The following DDX56 variants were observed in gnomAD, a reference collection of about 807,000 sequenced individuals.
The protein encoded by DDX56 is DEAD-box helicase 56, also known as probable ATP-dependent RNA helicase DDX56.
Under a neutral mutation model 61.5 loss-of-function variants are expected in DDX56, and 45 were observed. That is an observed-to-expected ratio of 0.73 (90% confidence interval 0.58 to 0.94). The LOEUF is 0.94. Among genes scored for constraint, DDX56 ranks in the 40% least tolerant of loss-of-function variants. The pLI, the probability that DDX56 is intolerant of heterozygous loss-of-function variation, is 0.00. For synonymous variants in DDX56, 273 were observed against 268.3 expected, an observed-to-expected ratio of 1.02 and a Z score of -0.17; for missense variants, 708 against 690.7, an observed-to-expected ratio of 1.02 and a Z score of -0.28.
chr7:44,569,919 G>A lies in DDX56; in HGVS notation c.1125-16C>T, dbSNP rs372977518. ...GCGTGCTGTCCTGCAAGGGAAGACA[G>A]TGCAGCTTGCATCTCCAACCCGCAG... On this transcript the variant is annotated splice_polypyrimidine_tract_variant and intron_variant, in intron 8 of 13. Coordinates refer to ENST00000258772, the MANE Select transcript of DDX56 (RefSeq NM_019082.4). 260 of 1,611,332 alleles carry A rather than the reference G, an allele frequency of 1.6e-4. 2 individuals carry two copies. In the South Asian group the frequency reaches 2.1e-3, roughly 13 times the overall value.
intron 2 of DDX56, 109 bp downstream of exon 2, chr7:44,573,474 C>T (rs1357154039): frequency 2.8e-6 from 4 of 1,405,210 alleles, no homozygotes; most frequent in African/African-American, 2.9e-5. Context: ...GTTCTCAGGC[C>T]GGCCTGCACG....
In DDX56 at chr7:44,569,154, G is replaced by C; in HGVS notation, c.1269C>G (p.Ile423Met). Residue 423 changes from isoleucine (I) to methionine (M), a missense_variant, in exon 10 of 14, where the codon ATC becomes ATG. Physicochemically the swap from Ile to Met is conservative, Grantham distance 10. Transcript: ENST00000258772. ...CCCTGCAGCGATAGCGGAAGCCCTC[G>C]ATCTCCTCCATCCGGAACTGGTAGG... ...LLPYQFRMEE[I>M]EGFRYRCRDA... The C allele has an allele frequency of 3.1e-6, 5 of 1,614,058 alleles. No homozygotes were observed. The highest frequency in any genetic ancestry group is 4.2e-6 in the Non-Finnish European group (5 of 1,180,028).
chr7:44,573,447 TG>T, intron 2 of DDX56, 135 bp downstream of exon 2: 1 of 1,191,936 alleles, frequency 8.4e-7, no homozygotes, highest in Non-Finnish European at 1.2e-6. Context: ...CCAGAGTGTT[TG>T]CCACAACAGC....
At chr7:44,570,990 T>A in intron 6 of DDX56, 113 bp from the exon 7 acceptor site, 33 of 1,308,066 alleles carry the variant, frequency 2.5e-5, no homozygotes, top group Non-Finnish European at 3.4e-5. Context: ...TCTTAATCTC[T>A]TTCCCTACTT....
intron 6 of DDX56, 144 bp downstream of exon 6, chr7:44,571,348 G>C: frequency 1.0e-6 from 1 of 961,502 alleles, no homozygotes; most frequent in East Asian, 2.5e-5. Flanking sequence ...GGCCATGATA[G>C]GTATTTTGGA....
chr7:44,569,142 G>T lies in DDX56; in HGVS notation c.1281C>A (p.Arg427=). 1 of 1,614,026 alleles carries T rather than the reference G, an allele frequency of 6.2e-7. No homozygotes were observed. The highest frequency in any genetic ancestry group is 2.2e-5 in the East Asian group (1 of 44,884). The part of the protein sequence containing the change: ...QFRMEEIEGF[R]YRCRDAMRSV... ...CACAGCAGCTCACCCTGCAGCGATA[G>T]CGGAAGCCCTCGATCTCCTCCATCC... The change falls in exon 10 of 14, where the codon CGC becomes CGA. Residue 427 remains arginine, a synonymous_variant. Coordinates refer to ENST00000258772, the MANE Select transcript of DDX56 (RefSeq NM_019082.4).
In DDX56 at chr7:44,569,912, G is replaced by A. The variant is rs1432121364; in HGVS notation, c.1125-9C>T. 6.2e-7 allele frequency: 1 copy of A among 1,611,236 alleles called. No individual in the cohort carries two copies. The highest frequency in any genetic ancestry group is 1.3e-5 in the African/African-American group (1 of 74,880). On this transcript the variant is annotated splice_polypyrimidine_tract_variant and intron_variant, in intron 8 of 13. Coordinates refer to ENST00000258772, the MANE Select transcript of DDX56 (RefSeq NM_019082.4). ...TGTTAGCGCGTGCTGTCCTGCAAGG[G>A]AAGACAGTGCAGCTTGCATCTCCAA...
At position 44,566,061 on chromosome 7, in the gene DDX56, G is replaced by A; in HGVS notation, c.1585C>T (p.Pro529Ser). The change falls in exon 14 of 14, where the codon CCA (proline) becomes TCA (serine). Residue 529 changes from proline (P) to serine (S), a missense_variant. Transcript: ENST00000258772. ...RKAKRAKSQN[P>S]LRSFKHKGKK... ...CCTTTGTGCTTGAAGCTGCGCAGTG[G>A]GTTCTGGGACTTTGCTCTCTAAGGA... The A allele has an allele frequency of 1.2e-6, 2 of 1,612,210 alleles. No homozygotes were observed. Among genetic ancestry groups the A allele is most frequent in the Non-Finnish European group, 1.7e-6 (2 of 1,179,756 alleles).
chr7:44,570,985 A>G, intron 6 of DDX56, 108 bp from the exon 7 acceptor site: 1 of 1,343,004 alleles, frequency 7.4e-7, no homozygotes, highest in Non-Finnish European at 1.0e-6. Flanking sequence ...CCTCTTCTTA[A>G]TCTCTTTCCC....
intron 2 of DDX56, 41 bp downstream of exon 2, chr7:44,573,542 G>T: frequency 6.2e-7 from 1 of 1,601,888 alleles, no homozygotes; most frequent in South Asian, 1.1e-5. Context: ...CAGGCTTTTG[G>T]AGCTTGCCTC....
intron 7 of DDX56, 144 bp downstream of exon 7, chr7:44,570,614 G>A: frequency 8.7e-7 from 1 of 1,153,406 alleles, no homozygotes; most frequent in Non-Finnish European, 1.2e-6. Flanking sequence ...AGCTGAGCAA[G>A]AACCTGTGGG....
In DDX56 at chr7:44,570,807, C is replaced by G. The variant is rs1802650938; in HGVS notation, c.961G>C (p.Gly321Arg). Residue 321 changes from glycine to arginine, a missense_variant, in exon 7 of 14, where the codon GGG becomes CGG. Gly to Arg is a moderately radical substitution (Grantham distance 125). Transcript: ENST00000258772. ...CGACGCTTGCCCTTGACTGGGGCCC[C>G]CAGGACTTCAGCATCAGTTGCTATG... ...CVIATDAEVL[G>R]APVKGKRRGR... 3 of 1,613,848 alleles carry G rather than the reference C, an allele frequency of 1.9e-6. No homozygotes were observed. Among genetic ancestry groups the G allele is most frequent in the African/African-American group, 1.3e-5 (1 of 74,936 alleles).
intron 11 of DDX56, among the ~76,000 whole-genome samples, chr7:44,568,467 A>G (rs1802595268): frequency 6.6e-6 from 1 of 151,976 alleles, no homozygotes; most frequent in Non-Finnish European, 1.5e-5. Flanking sequence ...TGGACACGCA[A>G]CCAACCTCAT....
At position 44,568,993 on chromosome 7, in the gene DDX56, C is replaced by G. The variant is rs1802606474; in HGVS notation, c.1294-1G>C. The G allele has an allele frequency of 1.2e-6, 2 of 1,613,974 alleles. No individual in the cohort carries two copies. Among genetic ancestry groups the G allele is most frequent in the Admixed American group, 3.3e-5 (2 of 60,012 alleles). Reference sequence around the variant, plus strand: ...GCTTAGTCACTGAGCGCATGGCATCCTGGGGGTGGACACTGAAGGTCAAGA... The same window carrying G: ...GCTTAGTCACTGAGCGCATGGCATCGTGGGGGTGGACACTGAAGGTCAAGA... On this transcript the variant is annotated splice_acceptor_variant, in intron 10 of 13. Coordinates refer to ENST00000258772, the MANE Select transcript of DDX56 (RefSeq NM_019082.4). LOFTEE classifies it high-confidence loss of function.
Position 44,573,060 on chromosome 7 carries a change from T to A in DDX56, c.223-10A>T. 6.4e-7 allele frequency: 1 copy of A among 1,556,458 alleles called. No homozygotes were observed. The highest frequency in any genetic ancestry group is 8.7e-7 in the Non-Finnish European group (1 of 1,152,216). On this transcript the variant is annotated splice_polypyrimidine_tract_variant and intron_variant, in intron 2 of 13. Transcript: ENST00000258772. ...CTACCACCGGACCTGTCTGTAAGAA[T>A]ATGAATTAAAGACTTTAGCCAGCAG...
chr7:44,573,483 C>T (rs1802733857), intron 2 of DDX56, 100 bp downstream of exon 2: 3 of 1,468,988 alleles, frequency 2.0e-6, no homozygotes, highest in Non-Finnish European at 2.8e-6. Flanking sequence ...CCGGCCTGCA[C>T]GGGTACAGGG....
In DDX56 at chr7:44,571,634, C is replaced by T. The variant is rs752966392; in HGVS notation, c.748G>A (p.Ala250Thr). 1 of 1,614,152 alleles carries T rather than the reference C, an allele frequency of 6.2e-7. No homozygotes were observed. The highest frequency in any genetic ancestry group is 8.5e-7 in the Non-Finnish European group (1 of 1,180,042). ...CGAATCAATGACAGCTTGAGCAGGG[C>T]ATACAGCAGGAGGAATTTGTCTTCC... ...TEEDKFLLLY[A>T]LLKLSLIRGK... The change falls in exon 6 of 14, where the codon GCC becomes ACC. Residue 250 changes from alanine to threonine, a missense_variant. Transcript: ENST00000258772.
Position 44,570,096 on chromosome 7 carries a change from C to A in DDX56, c.1043G>T (p.Gly348Val). 6.2e-7 allele frequency: 1 copy of A among 1,614,136 alleles called. No individual in the cohort carries two copies. Among genetic ancestry groups the A allele is most frequent in the Non-Finnish European group, 8.5e-7 (1 of 1,180,024 alleles). The change falls in exon 8 of 14, where the codon GGC (glycine) becomes GTC (valine). Residue 348 changes from glycine (G) to valine (V), a missense_variant. By Grantham distance (109) the Gly-to-Val change is moderately radical. Transcript: ENST00000258772. ...ASDPEAGVAR[G>V]IDFHHVSAVL... is the part of the protein sequence containing the mutation. Reference sequence around the variant, plus strand: ...AGCAGACACATGGTGGAAGTCTATGCCCCGGGCCACACCTGCTTCCGGATC... The same window carrying A: ...AGCAGACACATGGTGGAAGTCTATGACCCGGGCCACACCTGCTTCCGGATC...
intron 11 of DDX56, 59 bp from the exon 12 acceptor site, chr7:44,568,282 C>A: frequency 4.0e-6 from 5 of 1,248,546 alleles, no homozygotes; most frequent in Non-Finnish European, 5.6e-6. Flanking sequence ...ACTTCACAGA[C>A]CTAGCTTTTC....
Sources: allele counts gnomAD v4.1 joint callset (sites outside exome capture counted in the v4.1 genomes callset), GRCh38; gene constraint gnomAD v4.1.1; transcripts MANE v1.5; gene names NCBI Gene and HGNC (gene_info 2026-07-23, HGNC 2026-07-21).